CLIC5: variants seen among roughly 807,000 people sequenced by gnomAD.
CLIC5 encodes the protein CLIC family member 5.
Under a neutral mutation model 24.7 loss-of-function variants are expected in CLIC5, and 20 were observed. That is an observed-to-expected ratio of 0.81 (90% CI 0.57 to 1.18). CLIC5 has a LOEUF of 1.18. Ranked by LOEUF, CLIC5 falls within the 50% of genes most tolerant of loss-of-function variation. CLIC5 has a pLI of 0.00. For missense variants in CLIC5, 341 were observed against 326.1 expected, an observed-to-expected ratio of 1.05 and a Z score of -0.35; for synonymous variants, 159 against 135.6, an observed-to-expected ratio of 1.17 and a Z score of -1.20.
chr6:45,977,269 T>C (rs928885014), intron 1 of CLIC5, among the ~76,000 whole-genome samples: 2 of 152,328 alleles, frequency 1.3e-5, no homozygotes, highest in African/African-American at 2.4e-5. Context: ...AACATAAACC[T>C]CTTTTTATCA....
At position 46,015,529 on chromosome 6, in the gene CLIC5, G is replaced by T; in HGVS notation, c.14C>A (p.Ala5Glu). 1 of 1,578,102 alleles carries T rather than the reference G, an allele frequency of 6.3e-7. No individual in the cohort carries two copies. Among genetic ancestry groups the T allele is most frequent in the Non-Finnish European group, 8.6e-7 (1 of 1,163,746 alleles). The change falls in exon 1 of 6, where the codon GCG becomes GAG. Residue 5 changes from alanine (A) to glutamate (E), a missense_variant. Coordinates refer to ENST00000339561, the MANE Select transcript of CLIC5 (RefSeq NM_016929.5). MTDSATANGDDRDPE... is the reference protein window; with the variant it reads MTDSETANGDDRDPE... ...GTCCCTGTCGTCCCCGTTAGCTGTC[G>T]CCGAGTCTGTCATGCCGTTGGCGCC...
chr6:46,024,218 T>A (rs1194906649), intron 1 of CLIC5, among the ~76,000 whole-genome samples: 1 of 152,190 alleles, frequency 6.6e-6, no homozygotes, highest in Non-Finnish European at 1.5e-5. Flanking sequence ...TCCATTTGCC[T>A]TGAGTTACCC....
intron 1 of CLIC5, among the ~76,000 whole-genome samples, chr6:46,065,008 T>C (rs1037255837): frequency 6.6e-6 from 1 of 152,150 alleles, no homozygotes; most frequent in Admixed American, 6.6e-5. Context: ...GCCATACTTA[T>C]AAACTATTTG....
chr6:45,913,701 G>T, intron 5 of CLIC5: 1 of 954,394 alleles, frequency 1.0e-6, no homozygotes. Context: ...TAAGTGCAAT[G>T]ATAGCAAGAA....
At chr6:46,031,682 TA>T (rs1327553187) in intron 1 of CLIC5, among the ~76,000 whole-genome samples, 2 of 151,910 alleles carry the variant, frequency 1.3e-5, no homozygotes, top group African/African-American at 4.8e-5. Flanking sequence ...TGTACCAAAC[TA>T]AATGTCCTTT....
intron 1 of CLIC5, among the ~76,000 whole-genome samples, chr6:46,073,784 G>C (rs1033606696): frequency 6.6e-6 from 1 of 152,212 alleles, no homozygotes; most frequent in Non-Finnish European, 1.5e-5. Context: ...ACACATGTGA[G>C]TGTTGGCTGT....
chr6:45,913,875 G>T (rs1762911338), intron 5 of CLIC5: 10 of 1,139,590 alleles, frequency 8.8e-6, no homozygotes, highest in Non-Finnish European at 1.1e-5. Flanking sequence ...GTGTAGCCAG[G>T]GAAATCCTAT....
At chr6:45,969,596 G>A (rs903166497) in intron 1 of CLIC5, among the ~76,000 whole-genome samples, 9 of 152,156 alleles carry the variant, frequency 5.9e-5, no homozygotes, top group African/African-American at 1.2e-4. Flanking sequence ...AGTCAAAATC[G>A]TGAACGTATG....
chr6:46,115,558 T>C, the CLIC5 span, among the ~76,000 whole-genome samples: 1 of 152,228 alleles, frequency 6.6e-6, no homozygotes, highest in Non-Finnish European at 1.5e-5. Context: ...TTCCATTTTG[T>C]TTGTATGTTT....
intron 1 of CLIC5, among the ~76,000 whole-genome samples, chr6:45,976,582 T>C (rs973034131): frequency 6.6e-6 from 1 of 152,230 alleles, no homozygotes; most frequent in African/African-American, 2.4e-5. Flanking sequence ...CCATTACTTT[T>C]AATGGCAAAC....
At chr6:45,946,886 G>A (rs1764306473) in intron 3 of CLIC5, among the ~76,000 whole-genome samples, 1 of 152,208 alleles carries the variant, frequency 6.6e-6, no homozygotes, top group Non-Finnish European at 1.5e-5. Flanking sequence ...CATTTTAACA[G>A]CATCAAGCGT....
the CLIC5 span, among the ~76,000 whole-genome samples, chr6:46,125,850 T>C: frequency 2.6e-5 from 4 of 152,292 alleles, no homozygotes; most frequent in East Asian, 7.7e-4. Flanking sequence ...GCTTATACTC[T>C]ACCTATTTAG....
chr6:45,986,562 C>G (rs1765744389), intron 1 of CLIC5, among the ~76,000 whole-genome samples: 1 of 152,218 alleles, frequency 6.6e-6, no homozygotes, highest in Non-Finnish European at 1.5e-5. Context: ...AAGAAGGACA[C>G]AGCCAGGATA....
At chr6:46,104,465 T>C in the CLIC5 span, among the ~76,000 whole-genome samples, 1 of 152,046 alleles carries the variant, frequency 6.6e-6, no homozygotes, top group Non-Finnish European at 1.5e-5. Context: ...ACTTTTGTTG[T>C]CTCAACCTTG....
At chr6:46,025,320 G>A (rs1767299630) in intron 1 of CLIC5, among the ~76,000 whole-genome samples, 1 of 152,122 alleles carries the variant, frequency 6.6e-6, no homozygotes, top group South Asian at 2.1e-4. Flanking sequence ...TATAAGGGAG[G>A]CACTGAGCAA....
Position 46,040,761 on chromosome 6 carries a change from T to A in CLIC5, c.540+38942A>T, listed in dbSNP as rs182213148. ...AATGGTGATAGTATTGTGGTTTTTT[T>A]AAAAAAAGCTAAAATTATAAATAGC... is the stretch of plus-strand genomic sequence containing the variant. On this transcript the variant is annotated intron_variant, in intron 1 of 5. Coordinates refer to the CLIC5 transcript ENST00000185206. 2.7e-4 allele frequency among the ~76,000 whole-genome samples: 41 copies of A among 152,140 alleles called. 2 individuals carry two copies. In the East Asian group the frequency reaches 7.1e-3, roughly 26 times the overall value.
intron 4 of CLIC5, 32 bp downstream of exon 4, chr6:45,941,515 C>T: frequency 1.3e-6 from 2 of 1,534,416 alleles, no homozygotes; most frequent in East Asian, 2.2e-5. Flanking sequence ...TAGACCACTG[C>T]CAAGGGTTCT....
Position 45,911,750 on chromosome 6 carries a change from G to A in CLIC5, c.588+2478C>T, listed in dbSNP as rs935882939. The stretch of plus-strand genomic sequence containing the variant: ...GTGTTCCCCTTCTTGTTTGTCTCCA[G>A]GGCTGAACATCGTCACTATGCTAGG... On this transcript the variant is annotated intron_variant, in intron 5 of 5. Transcript: ENST00000339561. The A allele has an allele frequency of 1.2e-5, 12 of 985,260 alleles. No individual in the cohort carries two copies. The South Asian group carries it at 5.2e-4, about 42-fold the overall frequency. 61.0% of individuals were successfully genotyped at this position (985,260 alleles called of 1,614,324 possible). A position where few individuals can be genotyped will look rare whatever the true frequency, so the allele number is the denominator to read the frequency against.
chr6:45,915,935 A>G (rs1242032383), intron 4 of CLIC5, among the ~76,000 whole-genome samples: 1 of 152,196 alleles, frequency 6.6e-6, no homozygotes, highest in African/African-American at 2.4e-5. Context: ...TTAGAGCCTG[A>G]CACTGAGATA....
Sources: allele counts gnomAD v4.1 joint callset (sites outside exome capture counted in the v4.1 genomes callset), GRCh38; gene constraint gnomAD v4.1.1; transcripts MANE v1.5; gene names NCBI Gene and HGNC (gene_info 2026-07-23, HGNC 2026-07-21).